The following APBB2 variants were observed in gnomAD, a reference collection of about 807,000 sequenced individuals.
APBB2 encodes amyloid beta precursor protein binding family B member 2, also known as Fe65-like 1.
A neutral mutation model predicts 82.5 loss-of-function variants in APBB2; 38 were observed. The ratio of observed to expected loss-of-function variants is 0.46; its 90% CI spans 0.36 to 0.60. The LOEUF (loss-of-function observed/expected upper bound fraction) is 0.60, where lower values mean the gene tolerates loss of function less well. Among genes scored for constraint, APBB2 ranks in the 20% least tolerant of loss-of-function variants. The pLI is 0.00. For missense variants in APBB2, 772 were observed against 972.3 expected (o/e 0.79, Z 2.74); for synonymous variants, 341 against 368.2 (o/e 0.93, Z 0.85).
At chr4:40,993,451 T>C (rs1218901122) in intron 6 of APBB2, among the ~76,000 whole-genome samples, 4 of 151,458 alleles carry the variant, frequency 2.6e-5, no homozygotes, top group African/African-American at 9.7e-5. Flanking sequence ...TGGTGTGATC[T>C]TGGCTCACTG....
intron 10 of APBB2, among the ~76,000 whole-genome samples, chr4:40,913,942 AC>A: frequency 6.6e-6 from 1 of 152,154 alleles, no homozygotes; most frequent in Admixed American, 6.5e-5. Context: ...AATAACATAC[AC>A]TAAATAAGGG....
chr4:41,057,665 G>A (rs947906537), intron 4 of APBB2, among the ~76,000 whole-genome samples: 1 of 152,200 alleles, frequency 6.6e-6, no homozygotes, highest in African/African-American at 2.4e-5. Flanking sequence ...AGGAAGGTCA[G>A]CAGAGTTCAC....
At chr4:41,100,087 A>G (rs1371480022) in intron 3 of APBB2, among the ~76,000 whole-genome samples, 1 of 152,216 alleles carries the variant, frequency 6.6e-6, no homozygotes, top group Non-Finnish European at 1.5e-5. Context: ...AGAATGTCTT[A>G]TAGTGCCCTC....
chr4:41,103,282 G>A (rs1746067591), intron 2 of APBB2, among the ~76,000 whole-genome samples: 1 of 152,144 alleles, frequency 6.6e-6, no homozygotes, highest in South Asian at 2.1e-4. Context: ...AGATCAAGAT[G>A]ACGGTGTTAT....
intron 6 of APBB2, 114 bp from the exon 7 acceptor site, chr4:40,945,187 A>G: frequency 1.3e-6 from 1 of 743,588 alleles, no homozygotes; most frequent in Non-Finnish European, 2.3e-6. Flanking sequence ...CCAAATGATT[A>G]GTTCTTCCTG....
At chr4:40,830,690 T>C (rs1406225015) in intron 12 of APBB2, 113 bp from the exon 13 acceptor site, 5 of 637,338 alleles carry the variant, frequency 7.8e-6, no homozygotes, top group Non-Finnish European at 1.1e-5. Context: ...AAACAATGTA[T>C]GCAATGATTA....
intron 6 of APBB2, among the ~76,000 whole-genome samples, chr4:40,966,217 G>A (rs1265314904): frequency 6.6e-6 from 1 of 152,076 alleles, no homozygotes; most frequent in African/African-American, 2.4e-5. Flanking sequence ...CTTTCTCTCT[G>A]TCACATGTGT....
intron 4 of APBB2, among the ~76,000 whole-genome samples, chr4:41,048,343 T>C (rs1178470171): frequency 2.6e-5 from 4 of 152,164 alleles, no homozygotes; most frequent in Non-Finnish European, 5.9e-5. Context: ...TCCAAAATAC[T>C]TCTGGTCGCA....
chr4:41,046,564 G>A (rs1440821772), intron 4 of APBB2, among the ~76,000 whole-genome samples: 1 of 151,794 alleles, frequency 6.6e-6, no homozygotes, highest in African/African-American at 2.4e-5. Context: ...GAGATGAACT[G>A]CCTCATAAAG....
At chr4:40,944,623 T>C (rs900453249) in intron 7 of APBB2, among the ~76,000 whole-genome samples, 5 of 152,214 alleles carry the variant, frequency 3.3e-5, no homozygotes, top group African/African-American at 9.6e-5. Context: ...CAGCCCCTCT[T>C]GCTTTCTGTA....
At chr4:41,183,004 G>A (rs1160097520) in intron 1 of APBB2, among the ~76,000 whole-genome samples, 1 of 152,088 alleles carries the variant, frequency 6.6e-6, no homozygotes, top group African/African-American at 2.4e-5. Context: ...AACTCCTAAT[G>A]GTACCTCCAA....
At chr4:40,979,161 T>TAAC (rs1432132259) in intron 6 of APBB2, among the ~76,000 whole-genome samples, 1 of 152,214 alleles carries the variant, frequency 6.6e-6, no homozygotes, top group Non-Finnish European at 1.5e-5. Context: ...TTTTTCTGCT[T>TAAC]AACAACATGT....
At chr4:40,868,955 C>T (rs28530543) in intron 12 of APBB2, among the ~76,000 whole-genome samples, 36,999 of 152,066 alleles carry the variant, frequency 0.24, 4,777 homozygotes, top group African/African-American at 0.32. Flanking sequence ...ACCATGCTTA[C>T]GAACTACTAA....
chr4:41,199,156 T>TGG (rs33926144), intron 1 of APBB2, among the ~76,000 whole-genome samples: 7 of 152,056 alleles, frequency 4.6e-5, no homozygotes, highest in African/African-American at 1.2e-4. Flanking sequence ...GTTATATTTT[T>TGG]GGGGGGGACA....
intron 4 of APBB2, among the ~76,000 whole-genome samples, chr4:41,040,724 TA>T (rs948617195): frequency 2.6e-5 from 4 of 152,206 alleles, no homozygotes; most frequent in African/African-American, 9.6e-5. Flanking sequence ...ACCACATTAC[TA>T]GGGTTCTTTT....
chr4:41,040,703 A>G (rs1160060947), intron 4 of APBB2, among the ~76,000 whole-genome samples: 5 of 152,114 alleles, frequency 3.3e-5, no homozygotes, highest in African/African-American at 9.7e-5. Flanking sequence ...TAATGCCACA[A>G]GACAATTCTC....
intron 6 of APBB2, among the ~76,000 whole-genome samples, chr4:40,969,164 A>G (rs959126190): frequency 2.0e-5 from 3 of 152,206 alleles, no homozygotes; most frequent in African/African-American, 7.2e-5. Context: ...ACAGACTAAT[A>G]CATCTCTGTA....
chr4:40,984,956 C>G (rs1010617571), intron 6 of APBB2, among the ~76,000 whole-genome samples: 2 of 151,978 alleles, frequency 1.3e-5, no homozygotes, highest in Non-Finnish European at 2.9e-5. Context: ...GGGTCTCACT[C>G]TCTTGCCCAG....
intron 1 of APBB2, among the ~76,000 whole-genome samples, chr4:41,147,513 G>T (rs2154025226): frequency 7.4e-6 from 1 of 134,742 alleles, no homozygotes; most frequent in Admixed American, 7.7e-5. Flanking sequence ...TTTTAAATGA[G>T]GAGTTTCCCT....
Sources: allele counts gnomAD v4.1 joint callset (sites outside exome capture counted in the v4.1 genomes callset), GRCh38; gene constraint gnomAD v4.1.1; transcripts MANE v1.5; gene names NCBI Gene and HGNC (gene_info 2026-07-23, HGNC 2026-07-21).